Variants in RNF125 observed in about 807,000 individuals in gnomAD.
RNF125 encodes ring finger protein 125.
A neutral mutation model predicts 26.0 loss-of-function variants in RNF125; 21 were observed. The observed-to-expected ratio is 0.81, with a 90% CI of 0.57 to 1.16. The LOEUF (loss-of-function observed/expected upper bound fraction) is 1.16. Among genes scored for constraint, RNF125 ranks in the 50% most tolerant of loss-of-function variants. The pLI is 0.00. For synonymous variants in RNF125, 95 were observed against 109.2 expected, an observed-to-expected ratio of 0.87 and a Z score of 0.81; for missense variants, 270 against 299.4, an observed-to-expected ratio of 0.90 and a Z score of 0.72.
intron 1 of RNF125, among the ~76,000 whole-genome samples, chr18:32,036,458 ACTC>A (rs2039154937): frequency 6.6e-6 from 1 of 151,434 alleles, no homozygotes; most frequent in African/African-American, 2.4e-5. Flanking sequence ...GTCTTCAACA[ACTC>A]CTATAAATAG....
chr18:32,070,619 A>G lies in RNF125; in HGVS notation c.*2235A>G, dbSNP rs2039525480. On this transcript the variant is annotated 3_prime_UTR_variant, in exon 6 of 6. Coordinates refer to ENST00000217740, the MANE Select transcript of RNF125 (RefSeq NM_017831.4). Reference sequence around the variant, plus strand: ...TTTATCTTACACTTACAGCTGTCTCAGAATAACAATAGAAATACAACCACA... The same window carrying G: ...TTTATCTTACACTTACAGCTGTCTCGGAATAACAATAGAAATACAACCACA... The G allele has an allele frequency of 1.3e-5, 2 of 152,250 alleles. No homozygotes were observed. The highest frequency in any genetic ancestry group is 4.8e-5 in the African/African-American group (2 of 41,478). The allele number at this position is 152,250 out of a possible 1,614,324, so 9.4% of individuals were successfully genotyped here.
intron 4 of RNF125, among the ~76,000 whole-genome samples, chr18:32,055,313 A>G (rs887911236): frequency 7.9e-5 from 12 of 152,102 alleles, no homozygotes; most frequent in Middle Eastern, 3.4e-3. Context: ...AAAAAAAAAA[A>G]AAAGAAATTA....
chr18:32,061,485 C>G (rs574162850), intron 4 of RNF125, among the ~76,000 whole-genome samples: 5 of 152,160 alleles, frequency 3.3e-5, no homozygotes, highest in Admixed American at 6.6e-5. Flanking sequence ...GAGCTAGTTC[C>G]AACTTATCAT....
intron 3 of RNF125, 57 bp from the exon 4 acceptor site, chr18:32,045,585 G>T (rs2039261775): frequency 8.9e-7 from 1 of 1,123,326 alleles, no homozygotes; most frequent in Non-Finnish European, 1.3e-6. Flanking sequence ...AAAAAAAAGT[G>T]ACTACTATCT....
In RNF125 at chr18:32,072,566, CCTGAATTATTTTGTGTT is replaced by C. The variant is rs1015865742; in HGVS notation, c.*4196_*4212del. On this transcript the variant is annotated 3_prime_UTR_variant, in exon 6 of 6. Transcript: ENST00000217740. ...TACAGGACAGATTAGGTGCTGGTCGCCTGAATTATTTTGTGTTCTGAATTATTTTGAGCTCTAAAATG... is the reference window on the plus strand; with the variant it reads ...TACAGGACAGATTAGGTGCTGGTCGCCTGAATTATTTTGAGCTCTAAAATG... 2.0e-5 allele frequency: 3 copies of C among 152,066 alleles called. No homozygotes were observed. Among genetic ancestry groups the C allele is most frequent in the African/African-American group, 7.2e-5 (3 of 41,394 alleles). 9.4% of individuals were successfully genotyped at this position (152,066 alleles called of 1,614,324 possible).
intron 1 of RNF125, among the ~76,000 whole-genome samples, chr18:32,036,569 G>A (rs2039156000): frequency 7.3e-6 from 1 of 137,494 alleles, no homozygotes; most frequent in South Asian, 2.5e-4. Flanking sequence ...AGGAAGGAAG[G>A]AAGGAAGGAA....
chr18:32,034,328 G>A (rs1402359147), intron 1 of RNF125, among the ~76,000 whole-genome samples: 1 of 152,174 alleles, frequency 6.6e-6, no homozygotes, highest in Non-Finnish European at 1.5e-5. Flanking sequence ...ATCCCGCTCA[G>A]TCTTTCTCTT....
chr18:32,086,348 T>G, the RNF125 span, among the ~76,000 whole-genome samples: 1 of 131,654 alleles, frequency 7.6e-6, no homozygotes, highest in Non-Finnish European at 1.6e-5. Context: ...TGCACCTAGA[T>G]ATTTGTGTTT....
intron 1 of RNF125, among the ~76,000 whole-genome samples, chr18:32,034,673 G>A (rs2039134740): frequency 6.6e-6 from 1 of 152,092 alleles, no homozygotes; most frequent in Non-Finnish European, 1.5e-5. Context: ...AGCATTTTGG[G>A]AGGCTGAGGC....
At chr18:32,064,403 T>C (rs190237800) in intron 4 of RNF125, among the ~76,000 whole-genome samples, 4,065 of 122,186 alleles carry the variant, frequency 0.033, 207 homozygotes, top group African/African-American at 0.11. Flanking sequence ...TTTCTTTTTT[T>C]TTTTTTTTTT....
the RNF125 span, among the ~76,000 whole-genome samples, chr18:32,085,308 G>A: frequency 0.014 from 2,171 of 151,476 alleles, 53 homozygotes; most frequent in African/African-American, 0.05. Flanking sequence ...GCAGGAAGCA[G>A]GACCAAAGAA....
chr18:32,037,181 C>A lies in RNF125; in HGVS notation c.230C>A (p.Ala77Glu). The A allele has an allele frequency of 6.2e-7, 1 of 1,605,742 alleles. No individual in the cohort carries two copies. Residue 77 changes from alanine (A) to glutamate (E), a missense_variant, in exon 2 of 6, where the codon GCA becomes GAA. Physicochemically the swap from Ala to Glu is moderately radical, Grantham distance 107. Coordinates refer to ENST00000217740, the MANE Select transcript of RNF125 (RefSeq NM_017831.4). ...AAGTGGACCTGTCCTTATTGCCGGG[C>A]ATATCTTCCTTCAGAAGGAGTTCCA... is the stretch of plus-strand genomic sequence containing the variant. ...NNKWTCPYCRAYLPSEGVPAT... is the reference protein window; with the variant it reads ...NNKWTCPYCREYLPSEGVPAT...
intron 4 of RNF125, among the ~76,000 whole-genome samples, chr18:32,048,692 G>A (rs2039296405): frequency 6.6e-6 from 1 of 152,094 alleles, no homozygotes; most frequent in Non-Finnish European, 1.5e-5. Context: ...AGAGATATTT[G>A]TTATTGATCT....
chr18:32,057,460 G>A (rs867686442), intron 4 of RNF125, among the ~76,000 whole-genome samples: 10 of 151,466 alleles, frequency 6.6e-5, no homozygotes, highest in Non-Finnish European at 8.8e-5. Flanking sequence ...TCAGTCTCCC[G>A]AGTAGCTGGG....
chr18:32,088,380 T>G, the RNF125 span, among the ~76,000 whole-genome samples: 1 of 152,212 alleles, frequency 6.6e-6, no homozygotes, highest in African/African-American at 2.4e-5. Flanking sequence ...AAAACAGGAT[T>G]TTGAAGGTTT....
the RNF125 span, among the ~76,000 whole-genome samples, chr18:32,089,663 A>G: frequency 6.6e-6 from 1 of 152,132 alleles, no homozygotes; most frequent in Non-Finnish European, 1.5e-5. Flanking sequence ...GGGTATCTAT[A>G]TTTTTCTTAT....
rs763069919 is a variant in RNF125 at position 32,066,342 on chromosome 18, C to T, written c.612+333C>T. Among the ~76,000 whole-genome samples, 78 of 151,864 alleles carry T rather than the reference C, an allele frequency of 5.1e-4. 2 individuals carry two copies. The highest frequency in any genetic ancestry group is 8.5e-4 in the Non-Finnish European group (58 of 67,986). On this transcript the variant is annotated intron_variant, in intron 5 of 5. Transcript: ENST00000217740. Reference sequence around the variant, plus strand: ...GGCATGGTGGTACACGCCTGTAGTCCCAGCTACTCGGTAGGCTGAGGCAGG... The same window carrying T: ...GGCATGGTGGTACACGCCTGTAGTCTCAGCTACTCGGTAGGCTGAGGCAGG...
chr18:32,027,868 T>G (rs530203814), intron 1 of RNF125, among the ~76,000 whole-genome samples: 1 of 152,250 alleles, frequency 6.6e-6, no homozygotes, highest in African/African-American at 2.4e-5. Flanking sequence ...TGCTTGATGC[T>G]TTTATACTTG....
chr18:32,043,129 A>G (rs1461569171), intron 3 of RNF125, among the ~76,000 whole-genome samples: 5 of 148,412 alleles, frequency 3.4e-5, no homozygotes, highest in Non-Finnish European at 7.5e-5. Flanking sequence ...AGCCTGGGTG[A>G]CAGAGCGAGA....
Sources: gnomAD v4.1 joint callset for allele counts (sites outside exome capture counted in the v4.1 genomes callset) on GRCh38, gnomAD v4.1.1 for gene constraint, MANE v1.5 for transcripts, NCBI Gene and HGNC (gene_info 2026-07-23, HGNC 2026-07-21) for gene names.